The following PCSK1 variants were observed in gnomAD, a reference collection of about 807,000 sequenced individuals.
PCSK1 encodes proprotein convertase subtilisin/kexin type 1, also known as neuroendocrine convertase 1.
In PCSK1, 56 loss-of-function variants were observed where a neutral mutation model predicts 90.6. The observed-to-expected ratio is 0.62, with a 90% CI of 0.50 to 0.77. The LOEUF (loss-of-function observed/expected upper bound fraction) is 0.77, where lower values mean the gene tolerates loss of function less well. Among genes scored for constraint, PCSK1 ranks in the 30% least tolerant of loss-of-function variants. The probability of loss-of-function intolerance (pLI) is 0.00; values close to 1 mark genes in which losing one functional copy is unlikely to be tolerated. For synonymous variants in PCSK1, 348 were observed against 342.4 expected (o/e 1.02, Z -0.18); for missense variants, 801 against 932.6 (o/e 0.86, Z 1.84).
intron 11 of PCSK1, 66 bp downstream of exon 11, chr5:96,398,813 A>C: frequency 1.6e-6 from 2 of 1,230,764 alleles, no homozygotes; most frequent in Non-Finnish European, 2.4e-6. Flanking sequence ...AACAAAAGCA[A>C]TCAGTTATTT....
chr5:96,425,956 A>T, intron 2 of PCSK1, 26 bp from the exon 3 acceptor site: 1 of 1,365,030 alleles, frequency 7.3e-7, no homozygotes, highest in Non-Finnish European at 1.0e-6. Flanking sequence ...TAGCAAGAAA[A>T]TCAAAAGTCA....
At chr5:96,412,752 G>GTTTTGTTTTT (rs1760801934) in intron 6 of PCSK1, among the ~76,000 whole-genome samples, 3 of 71,832 alleles carry the variant, frequency 4.2e-5, no homozygotes, top group African/African-American at 1.8e-4. Flanking sequence ...CAGCTGTGAT[G>GTTTTGTTTTT]TTTTTTTTTT....
intron 1 of PCSK1, among the ~76,000 whole-genome samples, chr5:96,431,617 G>C (rs1222214462): frequency 6.6e-6 from 1 of 152,128 alleles, no homozygotes; most frequent in Non-Finnish European, 1.5e-5. Context: ...TCTGCTGCTG[G>C]GACACCAGGA....
Position 96,415,623 on chromosome 5 carries a change from A to T in PCSK1, c.709+410T>A, listed in dbSNP as rs577619808. ...AATATAATAAGTATGTACTTTTTTT[A>T]AATTTTGAAGCTGTTCTTCTCTATA... is the stretch of plus-strand genomic sequence containing the variant. On this transcript the variant is annotated intron_variant, in intron 6 of 13. Coordinates refer to ENST00000311106, the MANE Select transcript of PCSK1 (RefSeq NM_000439.5). Among the ~76,000 whole-genome samples the T allele has an allele frequency of 4.6e-5, 7 of 152,300 alleles. No homozygotes were observed. The South Asian group carries it at 1.5e-3, about 32-fold the overall frequency.
At chr5:96,425,004 AAAGAAAAGAAAGAAAGAAAGAAAG>A (rs1284937479) in intron 3 of PCSK1, among the ~76,000 whole-genome samples, 9 of 127,818 alleles carry the variant, frequency 7.0e-5, no homozygotes, top group Non-Finnish European at 1.1e-4. Context: ...AAAGAGAAAG[AAAGAAAAGAAAGAAAGAAAGAAAG>A]AAAGAAAGAA....
rs1242487571 is a variant in PCSK1 at position 96,394,966 on chromosome 5, G to T, written c.1782C>A (p.Thr594=). The change falls in exon 13 of 14, where the codon ACC becomes ACA. Residue 594 remains threonine (T), a synonymous_variant. Transcript: ENST00000311106. ...IVNWKLILHG[T]SSQPEHMKQP... ...GCTTCATATGCTCTGGCTGAGAAGA[G>T]GTCCCGTGCAAAATCAGCTTCCAGT... 1.9e-6 allele frequency: 3 copies of T among 1,613,810 alleles called. No individual in the cohort carries two copies. In the African/African-American group the frequency reaches 4.0e-5, roughly 22 times the overall value.
chr5:96,428,568 T>C lies in PCSK1; in HGVS notation c.285+645A>G, dbSNP rs113045588. On this transcript the variant is annotated intron_variant, in intron 2 of 13. Transcript: ENST00000311106. Reference sequence around the variant, plus strand: ...CTTATTTACCTATATTTATTTCTGCTGTAACCTAATCATTGAACCAAGATA... The same window carrying C: ...CTTATTTACCTATATTTATTTCTGCCGTAACCTAATCATTGAACCAAGATA... 5.9e-5 allele frequency among the ~76,000 whole-genome samples: 9 copies of C among 152,350 alleles called. 2 individuals are homozygous for C. The highest frequency in any genetic ancestry group is 2.2e-4 in the African/African-American group (9 of 41,592).
intron 1 of PCSK1, among the ~76,000 whole-genome samples, chr5:96,432,362 G>C (rs1461192065): frequency 6.6e-6 from 1 of 152,188 alleles, no homozygotes. Flanking sequence ...GCCCTTACAG[G>C]CTGCCAGGGC....
chr5:96,431,939 G>C, intron 1 of PCSK1: 2 of 700,136 alleles, frequency 2.9e-6, no homozygotes, highest in African/African-American at 1.7e-5. Context: ...ACACTCCCTA[G>C]GGTCCCCTCG....
At position 96,404,258 on chromosome 5, in the gene PCSK1, T is replaced by C. The variant is rs1482762933; in HGVS notation, c.1196+3965A>G. Among the ~76,000 whole-genome samples the C allele has an allele frequency of 2.6e-5, 4 of 152,186 alleles. No homozygotes were observed. The East Asian group carries it at 7.7e-4, about 29-fold the overall frequency. On this transcript the variant is annotated intron_variant, in intron 9 of 13. Coordinates refer to ENST00000311106, the MANE Select transcript of PCSK1 (RefSeq NM_000439.5). Reference sequence around the variant, plus strand: ...TTTGTTTCTCAAAACTTGGTTAAGGTATTACTAGCATTAAAAAGTGCCTGG... The same window carrying C: ...TTTGTTTCTCAAAACTTGGTTAAGGCATTACTAGCATTAAAAAGTGCCTGG...
intron 6 of PCSK1, among the ~76,000 whole-genome samples, chr5:96,414,054 G>T (rs1178443103): frequency 6.7e-6 from 1 of 149,484 alleles, no homozygotes; most frequent in African/African-American, 2.5e-5. Flanking sequence ...CAGGAGAATG[G>T]CATGAACCCG....
rs1194697679 is a variant in PCSK1, at chr5:96,392,802, C to T, written c.*199G>A. On this transcript the variant is annotated 3_prime_UTR_variant, in exon 14 of 14. Transcript: ENST00000311106. Reference sequence around the variant, plus strand: ...ACAGGAAAGATGTGTTTTGAAATACCTATGATCAATTCTGGAAGTTGAACT... The same window carrying T: ...ACAGGAAAGATGTGTTTTGAAATACTTATGATCAATTCTGGAAGTTGAACT... The T allele has an allele frequency of 3.1e-6, 2 of 637,310 alleles. No homozygotes were observed. The highest frequency in any genetic ancestry group is 5.3e-5 in the East Asian group (2 of 37,692). The allele number at this position is 637,310 out of a possible 1,614,324, so 39.5% of individuals were successfully genotyped here.
At position 96,425,819 on chromosome 5, in the gene PCSK1, C is replaced by G; in HGVS notation, c.396+1G>C. On this transcript the variant is annotated splice_donor_variant, in intron 3 of 13. Coordinates refer to ENST00000311106, the MANE Select transcript of PCSK1 (RefSeq NM_000439.5). LOFTEE classifies it high-confidence loss of function. Reference sequence around the variant, plus strand: ...CACATAGTCCTTCTGTAGGTACTTACCAAGTACCATTGCTGATTCCACATG... The same window carrying G: ...CACATAGTCCTTCTGTAGGTACTTAGCAAGTACCATTGCTGATTCCACATG... 7 of 1,510,080 alleles carry G rather than the reference C, an allele frequency of 4.6e-6. No homozygotes were observed. The highest frequency in any genetic ancestry group is 6.5e-6 in the Non-Finnish European group (7 of 1,084,894). The allele number at this position is 1,510,080 out of a possible 1,614,324, so 93.5% of individuals were successfully genotyped here.
In PCSK1 at chr5:96,397,458, C is replaced by T. The variant is rs778054932; in HGVS notation, c.1600G>A (p.Val534Met). The T allele has an allele frequency of 6.2e-7, 1 of 1,613,174 alleles. No individual in the cohort carries two copies. The highest frequency in any genetic ancestry group is 8.5e-7 in the Non-Finnish European group (1 of 1,179,182). Residue 534 changes from valine to methionine, a missense_variant, in exon 12 of 14, where the codon GTG becomes ATG. Transcript: ENST00000311106. Reference protein sequence around the residue: ...TLTSAAGTSTVLLAERERDTS... With the variant: ...TLTSAAGTSTMLLAERERDTS... ...TCCCGTTCTCTTTCAGCCAAGAGCA[C>T]AGTGCTAGTTCCTATGAAACAAATA... is the stretch of plus-strand genomic sequence containing the variant.
At chr5:96,412,808 C>G in intron 6 of PCSK1, 1 of 297,510 alleles carries the variant, frequency 3.4e-6, no homozygotes, top group South Asian at 4.4e-5. Flanking sequence ...CCAGCAAAAG[C>G]TCTGGGCATT....
chr5:96,432,973 T>A lies in PCSK1; in HGVS notation c.70A>T (p.Ser24Cys). Reference protein sequence around the residue: ...VLFCAWCALNSAKAKRQFVNE... With the variant: ...VLFCAWCALNCAKAKRQFVNE... ...ACAAATTGCCTTTTCGCTTTTGCAC[T>A]GTTCAGTGCACACCAAGCGCAAAAG... Residue 24 changes from serine (S) to cysteine (C), a missense_variant, in exon 1 of 14, where the codon AGT becomes TGT. Coordinates refer to ENST00000311106, the MANE Select transcript of PCSK1 (RefSeq NM_000439.5). 2 of 1,614,224 alleles carry A rather than the reference T, an allele frequency of 1.2e-6. No individual in the cohort carries two copies. Among genetic ancestry groups the A allele is most frequent in the Non-Finnish European group, 1.7e-6 (2 of 1,180,022 alleles).
chr5:96,396,371 A>T (rs1580743978), intron 12 of PCSK1, among the ~76,000 whole-genome samples: 1 of 151,830 alleles, frequency 6.6e-6, no homozygotes, highest in Non-Finnish European at 1.5e-5. Context: ...GACCAGCCTG[A>T]CCAACATGGT....
Position 96,433,051 on chromosome 5 carries a change from C to T in PCSK1, c.-9G>A. ...CAGGCTCTTCGCTCCATAGCTCACA[C>T]ACTCGCTTGAACAAGAGTGGGAAGG... On this transcript the variant is annotated 5_prime_UTR_variant, in exon 1 of 14. It adds an upstream start codon to the 5' untranslated region. Transcript: ENST00000311106. 6.2e-7 allele frequency: 1 copy of T among 1,613,634 alleles called. No homozygotes were observed.
At chr5:96,414,416 G>A (rs930654442) in intron 6 of PCSK1, among the ~76,000 whole-genome samples, 8 of 152,170 alleles carry the variant, frequency 5.3e-5, no homozygotes, top group African/African-American at 1.9e-4. Context: ...ACTTGCTCAA[G>A]GCCACATAGC....
Sources: gnomAD v4.1 joint callset for allele counts (sites outside exome capture counted in the v4.1 genomes callset) on GRCh38, gnomAD v4.1.1 for gene constraint, MANE v1.5 for transcripts, NCBI Gene and HGNC (gene_info 2026-07-23, HGNC 2026-07-21) for gene names.